PIK3C2G: variants seen among roughly 807,000 people sequenced by gnomAD.
The protein encoded by PIK3C2G is phosphatidylinositol 3-kinase C2 domain-containing subunit gamma.
A neutral mutation model predicts 181.1 loss-of-function variants in PIK3C2G; 168 were observed. That is an observed-to-expected ratio of 0.93 (90% confidence interval 0.82 to 1.05). The LOEUF is 1.05. Among genes scored for constraint, PIK3C2G ranks in the 50% least tolerant of loss-of-function variants. The probability of loss-of-function intolerance (pLI) is 0.00; values close to 1 mark genes in which losing one functional copy is unlikely to be tolerated. For synonymous variants in PIK3C2G, 573 were observed against 592.2 expected, an observed-to-expected ratio of 0.97 and a Z score of 0.47; for missense variants, 1,869 against 1,732.8, an observed-to-expected ratio of 1.08 and a Z score of -1.40.
At chr12:18,377,976 C>CA (rs1383651845) in intron 13 of PIK3C2G, among the ~76,000 whole-genome samples, 1 of 152,166 alleles carries the variant, frequency 6.6e-6, no homozygotes, top group African/African-American at 2.4e-5. Context: ...CCTGCCTCAG[C>CA]CTCCCAAGTA....
chr12:18,475,023 A>G (rs537120402), intron 18 of PIK3C2G, among the ~76,000 whole-genome samples: 2 of 152,270 alleles, frequency 1.3e-5, no homozygotes, highest in Admixed American at 6.5e-5. Flanking sequence ...TTCTTAAAGG[A>G]TAATTATGAT....
intron 24 of PIK3C2G, among the ~76,000 whole-genome samples, chr12:18,534,332 GTA>G (rs1325678660): frequency 6.6e-6 from 1 of 151,844 alleles, no homozygotes; most frequent in Non-Finnish European, 1.5e-5. Flanking sequence ...ACATTTCTAA[GTA>G]TATATACATT....
At chr12:18,661,348 T>C in the PIK3C2G span, among the ~76,000 whole-genome samples, 1 of 142,088 alleles carries the variant, frequency 7.0e-6, no homozygotes, top group Non-Finnish European at 1.6e-5. Context: ...ACCAAGACAT[T>C]ATAATCCTAC....
At chr12:18,457,725 A>G (rs1169910218) in intron 18 of PIK3C2G, among the ~76,000 whole-genome samples, 1 of 152,130 alleles carries the variant, frequency 6.6e-6, no homozygotes, top group Non-Finnish European at 1.5e-5. Context: ...CTCTCTTTCA[A>G]TCAGAATGAA....
chr12:18,291,272 A>G (rs573180548), intron 4 of PIK3C2G, among the ~76,000 whole-genome samples: 20 of 152,358 alleles, frequency 1.3e-4, no homozygotes, highest in African/African-American at 4.1e-4. Flanking sequence ...TAGCAAGTAT[A>G]GCAAGTTTTT....
At chr12:18,583,361 G>A (rs932950974) in intron 29 of PIK3C2G, among the ~76,000 whole-genome samples, 4 of 152,066 alleles carry the variant, frequency 2.6e-5, no homozygotes, top group African/African-American at 9.7e-5. Context: ...TGGCCAGACT[G>A]TTTGTTACAT....
the PIK3C2G span, among the ~76,000 whole-genome samples, chr12:18,722,785 C>T: frequency 3.3e-5 from 5 of 151,370 alleles, no homozygotes; most frequent in African/African-American, 7.3e-5. Flanking sequence ...GAAGAACAAG[C>T]GAAAAGTATA....
intron 18 of PIK3C2G, among the ~76,000 whole-genome samples, chr12:18,440,061 C>T (rs1042518048): frequency 3.2e-4 from 48 of 152,126 alleles, no homozygotes; most frequent in African/African-American, 1.2e-3. Flanking sequence ...AAGCAAGATA[C>T]TTAATTTTTA....
At chr12:18,332,535 C>G (rs192727476) in intron 8 of PIK3C2G, among the ~76,000 whole-genome samples, 71 of 152,176 alleles carry the variant, frequency 4.7e-4, no homozygotes, top group African/African-American at 1.6e-3. Context: ...TGCTCCTTAT[C>G]CCTGACCTCT....
chr12:18,625,396 T>C (rs1275244753), intron 31 of PIK3C2G, among the ~76,000 whole-genome samples: 2 of 151,816 alleles, frequency 1.3e-5, no homozygotes, highest in Admixed American at 6.6e-5. Flanking sequence ...CTTGCTGTGA[T>C]TTCAATCTTC....
At chr12:18,654,843 A>G in the PIK3C2G span, among the ~76,000 whole-genome samples, 3 of 152,188 alleles carry the variant, frequency 2.0e-5, no homozygotes, top group Non-Finnish European at 4.4e-5. Context: ...AATGTGGGAC[A>G]TTCTCAAGAT....
At chr12:18,686,794 A>G in the PIK3C2G span, among the ~76,000 whole-genome samples, 1 of 152,094 alleles carries the variant, frequency 6.6e-6, no homozygotes, top group Non-Finnish European at 1.5e-5. Flanking sequence ...TTCATTTAAT[A>G]AACAGATTTT....
chr12:18,487,098 G>T (rs868082713), intron 18 of PIK3C2G, among the ~76,000 whole-genome samples: 1 of 128,356 alleles, frequency 7.8e-6, no homozygotes. Flanking sequence ...GAGGTATTTT[G>T]TGTGTGTGTG....
chr12:18,613,020 C>T (rs1478254869), intron 31 of PIK3C2G, among the ~76,000 whole-genome samples: 1 of 152,032 alleles, frequency 6.6e-6, no homozygotes, highest in African/African-American at 2.4e-5. Flanking sequence ...TCTAAAACAC[C>T]ATTTCAGTTT....
At chr12:18,543,179 T>C (rs527237235) in intron 25 of PIK3C2G, among the ~76,000 whole-genome samples, 1 of 152,046 alleles carries the variant, frequency 6.6e-6, no homozygotes, top group Non-Finnish European at 1.5e-5. Flanking sequence ...GTTGGACACA[T>C]GTATGCCTTC....
At chr12:18,646,895 TGACCA>T (rs1458851994) in intron 32 of PIK3C2G, among the ~76,000 whole-genome samples, 1 of 151,648 alleles carries the variant, frequency 6.6e-6, no homozygotes, top group Non-Finnish European at 1.5e-5. Flanking sequence ...AAAGGACAGC[TGACCA>T]GATTCCTTTT....
the PIK3C2G span, among the ~76,000 whole-genome samples, chr12:18,653,488 T>A: frequency 6.6e-6 from 1 of 152,188 alleles, no homozygotes; most frequent in East Asian, 1.9e-4. Context: ...CAAAATGTGT[T>A]ACAAGCTCTA....
chr12:18,332,217 G>C (rs1938046249), intron 8 of PIK3C2G, among the ~76,000 whole-genome samples: 1 of 152,032 alleles, frequency 6.6e-6, no homozygotes, highest in African/African-American at 2.4e-5. Flanking sequence ...TTCCCTCCCT[G>C]TAGGATCCTG....
intron 25 of PIK3C2G, among the ~76,000 whole-genome samples, chr12:18,538,514 A>C (rs1253164882): frequency 6.6e-6 from 1 of 151,960 alleles, no homozygotes; most frequent in Non-Finnish European, 1.5e-5. Context: ...ATTGTCTCAA[A>C]CATTCCTATT....
Sources: allele counts gnomAD v4.1 joint callset (sites outside exome capture counted in the v4.1 genomes callset), GRCh38; gene constraint gnomAD v4.1.1; transcripts MANE v1.5; gene names NCBI Gene and HGNC (gene_info 2026-07-23, HGNC 2026-07-21).